The following KCNK1 variants were observed in gnomAD, a reference collection of about 807,000 sequenced individuals.
The protein encoded by KCNK1 is potassium two pore domain channel subfamily K member 1, also known as potassium channel subfamily K member 1.
A neutral mutation model predicts 22.2 loss-of-function variants in KCNK1; 10 were observed. The observed-to-expected ratio is 0.45, with a 90% CI of 0.28 to 0.76. The LOEUF (loss-of-function observed/expected upper bound fraction) is 0.76. KCNK1 is among the 30% of genes least tolerant of loss of function. KCNK1 has a pLI of 0.14. For missense variants in KCNK1, 378 were observed against 421.0 expected (o/e 0.90, Z 0.89); for synonymous variants, 200 against 186.4 (o/e 1.07, Z -0.60).
At chr1:233,641,046 T>G (rs1301055714) in intron 1 of KCNK1, among the ~76,000 whole-genome samples, 1 of 152,142 alleles carries the variant, frequency 6.6e-6, no homozygotes, top group African/African-American at 2.4e-5. Flanking sequence ...CCCGAGGGTG[T>G]CGGTCTAAAT....
intron 1 of KCNK1, among the ~76,000 whole-genome samples, chr1:233,622,211 A>C (rs1435375575): frequency 6.6e-6 from 1 of 152,198 alleles, no homozygotes; most frequent in Non-Finnish European, 1.5e-5. Context: ...GTTTTGACCC[A>C]TAAAAATGGC....
At chr1:233,614,946 C>A (rs1372038255) in intron 1 of KCNK1, among the ~76,000 whole-genome samples, 1 of 152,214 alleles carries the variant, frequency 6.6e-6, no homozygotes, top group African/African-American at 2.4e-5. Flanking sequence ...GGCAAGGCAG[C>A]GGGATGATGG....
At chr1:233,637,856 AC>A (rs1355885791) in intron 1 of KCNK1, among the ~76,000 whole-genome samples, 1 of 152,134 alleles carries the variant, frequency 6.6e-6, no homozygotes, top group Non-Finnish European at 1.5e-5. Context: ...AATATTTAAA[AC>A]CCTTAAGACC....
At chr1:233,622,679 G>A (rs1055725878) in intron 1 of KCNK1, among the ~76,000 whole-genome samples, 3 of 152,188 alleles carry the variant, frequency 2.0e-5, no homozygotes, top group East Asian at 1.9e-4. Context: ...GAGATGTAGA[G>A]TTTGTGCACC....
chr1:233,629,028 C>T (rs916897054), intron 1 of KCNK1, among the ~76,000 whole-genome samples: 1 of 152,132 alleles, frequency 6.6e-6, no homozygotes, highest in Non-Finnish European at 1.5e-5. Flanking sequence ...AGACCCCCTT[C>T]TAACTCTAAC....
Position 233,614,205 on chromosome 1 carries a change from C to T in KCNK1, c.34C>T (p.Arg12Cys). ...GTCCCTGGCCGGCAGCTCGTGCGTG[C>T]GCCTGGTGGAGCGGCACCGCTCGGC... is the stretch of plus-strand genomic sequence containing the variant. ...LQSLAGSSCV[R>C]LVERHRSAWC... The change falls in exon 1 of 3, where the codon CGC becomes TGC. Residue 12 changes from arginine to cysteine, a missense_variant. By Grantham distance (180) the Arg-to-Cys change is radical (BLOSUM62 -3). Coordinates refer to ENST00000366621, the MANE Select transcript of KCNK1 (RefSeq NM_002245.4). 1.9e-6 allele frequency: 3 copies of T among 1,608,986 alleles called. No homozygotes were observed. The highest frequency in any genetic ancestry group is 2.5e-6 in the Non-Finnish European group (3 of 1,179,582).
At chr1:233,642,894 G>A (rs989524337) in intron 1 of KCNK1, among the ~76,000 whole-genome samples, 2 of 151,550 alleles carry the variant, frequency 1.3e-5, no homozygotes, top group Admixed American at 6.6e-5. Context: ...TCAGCCTCAT[G>A]AGTAGCTGGG....
intron 1 of KCNK1, among the ~76,000 whole-genome samples, chr1:233,661,018 AG>A (rs1280627167): frequency 2.0e-5 from 3 of 152,204 alleles, no homozygotes; most frequent in African/African-American, 4.8e-5. Context: ...TAACAACTCT[AG>A]GATTTGGAAA....
At chr1:233,625,940 C>G (rs1657681475) in intron 1 of KCNK1, among the ~76,000 whole-genome samples, 1 of 152,000 alleles carries the variant, frequency 6.6e-6, no homozygotes, top group Admixed American at 6.6e-5. Flanking sequence ...TGTAGGATGT[C>G]CTAGGCCACT....
At chr1:233,653,691 T>A (rs1223466814) in intron 1 of KCNK1, among the ~76,000 whole-genome samples, 1 of 152,146 alleles carries the variant, frequency 6.6e-6, no homozygotes, top group Non-Finnish European at 1.5e-5. Context: ...CCTCCATGGT[T>A]CTCAGGCCTT....
rs1026277819 is a variant in KCNK1, at chr1:233,671,772, A to G, written c.*242A>G. 5 of 535,158 alleles carry G rather than the reference A, an allele frequency of 9.3e-6. No individual in the cohort carries two copies. Among genetic ancestry groups the G allele is most frequent in the African/African-American group, 5.7e-5 (3 of 52,714 alleles). 33.2% of individuals were successfully genotyped at this position (535,158 alleles called of 1,614,324 possible). A position where few individuals can be genotyped will look rare whatever the true frequency, so the allele number is the denominator to read the frequency against. The stretch of plus-strand genomic sequence containing the variant: ...GTCCACCTAAAATTCATATGTGACA[A>G]AATTATCTCGACCTTACATAGGAGG... On this transcript the variant is annotated 3_prime_UTR_variant, in exon 3 of 3. Coordinates refer to ENST00000366621, the MANE Select transcript of KCNK1 (RefSeq NM_002245.4).
chr1:233,667,529 G>C (rs181191844), intron 2 of KCNK1, among the ~76,000 whole-genome samples: 3,767 of 151,932 alleles, frequency 0.025, 143 homozygotes, highest in African/African-American at 0.086. Context: ...AGGAGATCGA[G>C]ACCATCCTGG....
At chr1:233,622,080 A>G (rs1013354339) in intron 1 of KCNK1, among the ~76,000 whole-genome samples, 1 of 152,262 alleles carries the variant, frequency 6.6e-6, no homozygotes, top group Admixed American at 6.5e-5. Flanking sequence ...TGATTGAAGC[A>G]GTAACCTATT....
chr1:233,658,382 T>C (rs1002292821), intron 1 of KCNK1, among the ~76,000 whole-genome samples: 1 of 152,202 alleles, frequency 6.6e-6, no homozygotes, highest in Admixed American at 6.5e-5. Flanking sequence ...CCAAATTGCT[T>C]ACTTTAAAAT....
chr1:233,656,762 G>A (rs763517855), intron 1 of KCNK1, among the ~76,000 whole-genome samples: 54 of 152,090 alleles, frequency 3.6e-4, no homozygotes, highest in Non-Finnish European at 6.8e-4. Flanking sequence ...GGGACTACTG[G>A]CACATGCCAC....
intron 1 of KCNK1, chr1:233,629,815 A>G (rs1657758981): frequency 1.3e-5 from 2 of 152,216 alleles, no homozygotes; most frequent in African/African-American, 2.4e-5. Context: ...GGTGGACATA[A>G]ATGGAAACTC....
chr1:233,664,119 C>T (rs1195632232), intron 1 of KCNK1, among the ~76,000 whole-genome samples: 1 of 152,160 alleles, frequency 6.6e-6, no homozygotes, highest in Non-Finnish European at 1.5e-5. Context: ...GGTGAGCCAC[C>T]GTGCCCGGCC....
intron 1 of KCNK1, among the ~76,000 whole-genome samples, chr1:233,630,185 CAGTT>C (rs1657766741): frequency 2.0e-5 from 3 of 152,142 alleles, no homozygotes; most frequent in African/African-American, 7.2e-5. Context: ...ATTACTGTGT[CAGTT>C]AGTTACAAAT....
intron 1 of KCNK1, among the ~76,000 whole-genome samples, chr1:233,635,119 TC>T (rs11346791): frequency 0.024 from 3,631 of 152,268 alleles, 124 homozygotes; most frequent in African/African-American, 0.08. Flanking sequence ...GTGTTTTTTT[TC>T]TTTTAGAAAC....
Sources: gnomAD v4.1 joint callset for allele counts (sites outside exome capture counted in the v4.1 genomes callset) on GRCh38, gnomAD v4.1.1 for gene constraint, MANE v1.5 for transcripts, NCBI Gene and HGNC (gene_info 2026-07-23, HGNC 2026-07-21) for gene names.